CD2AP: variants seen among roughly 807,000 people sequenced by gnomAD.
CD2AP encodes CD2-associated protein.
CD2AP carries 46 observed loss-of-function variants against 85.1 expected under a neutral mutation model. The ratio of observed to expected loss-of-function variants is 0.54; its 90% confidence interval spans 0.43 to 0.69. CD2AP has a LOEUF of 0.69. Ranked by LOEUF, CD2AP falls within the 30% of genes least tolerant of loss-of-function variation. The pLI, the probability that CD2AP is intolerant of heterozygous loss-of-function variation, is 0.00. For synonymous variants in CD2AP, 255 were observed against 252.9 expected (o/e 1.01, Z -0.08); for missense variants, 769 against 729.5 (o/e 1.05, Z -0.62).
At chr6:47,482,268 A>G (rs368625599) in intron 1 of CD2AP, among the ~76,000 whole-genome samples, 269 of 152,306 alleles carry the variant, frequency 1.8e-3, no homozygotes, top group Non-Finnish European at 2.2e-3. Flanking sequence ...TGAGGTTTCA[A>G]AATTTGAGTA....
chr6:47,606,358 ACC>A lies in CD2AP; in HGVS notation c.1530+82_1530+83del, dbSNP rs1769273048. On this transcript the variant is annotated intron_variant, in intron 14 of 17. Coordinates refer to ENST00000359314, the MANE Select transcript of CD2AP (RefSeq NM_012120.3). Reference sequence around the variant, plus strand: ...TGGAAGATAGAGGACTTATAGCTCTACCTAAGTTTGAAAATCAGGAGGATAGC... The same window carrying A: ...TGGAAGATAGAGGACTTATAGCTCTATAAGTTTGAAAATCAGGAGGATAGC... 14 of 848,038 alleles carry A rather than the reference ACC, an allele frequency of 1.7e-5. No individual in the cohort carries two copies. In the Admixed American group the frequency reaches 2.5e-4, roughly 15 times the overall value. The allele number at this position is 848,038 out of a possible 1,614,324, so 52.5% of individuals were successfully genotyped here. A position where few individuals can be genotyped will look rare whatever the true frequency, so the allele number is the denominator to read the frequency against.
At chr6:47,529,060 C>A (rs571480968) in intron 2 of CD2AP, among the ~76,000 whole-genome samples, 2 of 151,884 alleles carry the variant, frequency 1.3e-5, no homozygotes, top group African/African-American at 4.8e-5. Flanking sequence ...TAGGTTGTAT[C>A]TACTGAATTA....
intron 17 of CD2AP, among the ~76,000 whole-genome samples, chr6:47,619,510 GTC>G (rs1228519586): frequency 1.3e-5 from 2 of 152,152 alleles, no homozygotes; most frequent in South Asian, 4.1e-4. Flanking sequence ...GCTGTTGTGA[GTC>G]TTGCTGCTGT....
intron 2 of CD2AP, 38 bp from the exon 3 acceptor site, chr6:47,533,564 A>G: frequency 6.3e-7 from 1 of 1,593,526 alleles, no homozygotes; most frequent in Non-Finnish European, 8.6e-7. Context: ...TAAAAAATAT[A>G]ACTTAACTTG....
At chr6:47,550,303 C>T (rs565911046) in intron 4 of CD2AP, among the ~76,000 whole-genome samples, 1 of 152,230 alleles carries the variant, frequency 6.6e-6, no homozygotes, top group Non-Finnish European at 1.5e-5. Context: ...ACAATCTATA[C>T]ATCTGACAAA....
At chr6:47,500,219 A>G (rs963066055) in intron 1 of CD2AP, among the ~76,000 whole-genome samples, 2 of 152,168 alleles carry the variant, frequency 1.3e-5, no homozygotes, top group African/African-American at 4.8e-5. Flanking sequence ...GGAAAATGCC[A>G]TACTATTTAG....
chr6:47,573,651 G>A (rs953432710), intron 5 of CD2AP, among the ~76,000 whole-genome samples: 3 of 151,798 alleles, frequency 2.0e-5, no homozygotes, highest in Non-Finnish European at 4.4e-5. Flanking sequence ...ACCATGCCCG[G>A]CTAATTTTTT....
chr6:47,553,165 G>C (rs993310843), intron 4 of CD2AP, among the ~76,000 whole-genome samples: 1 of 151,986 alleles, frequency 6.6e-6, no homozygotes, highest in Non-Finnish European at 1.5e-5. Context: ...TTCCCTAGTA[G>C]TTAACACTGT....
Position 47,607,984 on chromosome 6 carries a change from C to G in CD2AP, c.1588C>G (p.Leu530Val), listed in dbSNP as rs767943739. ...ACCAAAAGAAGAAGACAGTGCCAAC[C>G]TGAAGCCATCTGAATTAAAAAAAGA... Reference protein sequence around the residue: ...KLPKEEDSANLKPSELKKDTC... With the variant: ...KLPKEEDSANVKPSELKKDTC... The change falls in exon 15 of 18, where the codon CTG becomes GTG. Residue 530 changes from leucine (L) to valine (V), a missense_variant. Physicochemically the swap from Leu to Val is conservative, Grantham distance 32. Transcript: ENST00000359314. 1 of 1,612,962 alleles carries G rather than the reference C, an allele frequency of 6.2e-7. No homozygotes were observed. Among genetic ancestry groups the G allele is most frequent in the Non-Finnish European group, 8.5e-7 (1 of 1,179,240 alleles).
At chr6:47,582,799 T>G (rs144511704) in intron 11 of CD2AP, among the ~76,000 whole-genome samples, 7 of 141,764 alleles carry the variant, frequency 4.9e-5, no homozygotes, top group African/African-American at 1.4e-4. Context: ...TGTTTTGTTT[T>G]TTTTTTTTTG....
chr6:47,611,475 G>A (rs573473777), intron 16 of CD2AP, among the ~76,000 whole-genome samples: 116 of 151,768 alleles, frequency 7.6e-4, no homozygotes, highest in African/African-American at 2.1e-3. Context: ...AGAGGTTTTC[G>A]CTTTACTCTT....
At chr6:47,596,158 A>G (rs564541772) in intron 12 of CD2AP, 132 bp downstream of exon 12, 52 of 703,310 alleles carry the variant, frequency 7.4e-5, no homozygotes, top group Non-Finnish European at 1.2e-4. Flanking sequence ...AAATTGACAT[A>G]TACAATTGTG....
In CD2AP at chr6:47,544,673, G is replaced by GA. The variant is rs1562024844; in HGVS notation, c.390dup (p.Val131SerfsTer6). The stretch of plus-strand genomic sequence containing the variant: ...CACAAAATGAGGATGAACTGGAGCT[G>GA]AAAGTGGGAGATATTATTGATATTA... On this transcript the variant is annotated frameshift_variant, in exon 4 of 18. Transcript: ENST00000359314. LOFTEE classifies it high-confidence loss of function. 6.2e-7 allele frequency: 1 copy of GA among 1,611,498 alleles called. No homozygotes were observed. The highest frequency in any genetic ancestry group is 8.5e-7 in the Non-Finnish European group (1 of 1,177,816).
intron 5 of CD2AP, chr6:47,562,927 A>C: frequency 3.2e-6 from 2 of 619,902 alleles, no homozygotes; most frequent in Non-Finnish European, 6.0e-6. Context: ...AAACCCTATA[A>C]AGAAATTGGT....
chr6:47,574,011 C>T, intron 5 of CD2AP, 53 bp from the exon 6 acceptor site: 2 of 1,463,320 alleles, frequency 1.4e-6, no homozygotes, highest in Non-Finnish European at 1.9e-6. Flanking sequence ...GACAGGATGT[C>T]AAGCGTTTTG....
chr6:47,550,017 A>G (rs1449333255), intron 4 of CD2AP, among the ~76,000 whole-genome samples: 1 of 152,142 alleles, frequency 6.6e-6, no homozygotes, highest in African/African-American at 2.4e-5. Flanking sequence ...ATGCAGGAGA[A>G]TGAAACTGGA....
intron 8 of CD2AP, 37 bp from the exon 9 acceptor site, chr6:47,579,348 A>AAAAT: frequency 8.1e-5 from 95 of 1,166,920 alleles, no homozygotes; most frequent in Non-Finnish European, 1.1e-4. Context: ...AAAAAAAAAA[A>AAAAT]GGTCTATTGT....
At chr6:47,528,467 A>C (rs1766785746) in intron 2 of CD2AP, among the ~76,000 whole-genome samples, 1 of 152,174 alleles carries the variant, frequency 6.6e-6, no homozygotes, top group African/African-American at 2.4e-5. Context: ...GAACCACTGC[A>C]TCCAGCCAGT....
At position 47,553,499 on chromosome 6, in the gene CD2AP, A is replaced by T. The variant is rs117066215; in HGVS notation, c.421-1147A>T. Among the ~76,000 whole-genome samples, 2,667 of 146,952 alleles carry T rather than the reference A, an allele frequency of 0.018. 171 individuals carry two copies. In the East Asian group the frequency reaches 0.19, roughly 11 times the overall value. On this transcript the variant is annotated intron_variant, in intron 4 of 17. Transcript: ENST00000359314. Reference sequence around the variant, plus strand: ...CTAGATGGGACTACAGGTGTGCACCACCACACCTAGTGAATTTTTTTTTTT... The same window carrying T: ...CTAGATGGGACTACAGGTGTGCACCTCCACACCTAGTGAATTTTTTTTTTT...
Sources: gnomAD v4.1 joint callset for allele counts (sites outside exome capture counted in the v4.1 genomes callset) on GRCh38, gnomAD v4.1.1 for gene constraint, MANE v1.5 for transcripts, NCBI Gene and HGNC (gene_info 2026-07-23, HGNC 2026-07-21) for gene names.